MYO5B: variants seen among roughly 807,000 people sequenced by gnomAD.
MYO5B encodes the protein myosin VB.
In MYO5B, 143 loss-of-function variants were observed where a neutral mutation model predicts 229.3. That is an observed-to-expected ratio of 0.62 (90% CI 0.54 to 0.72). MYO5B has a LOEUF of 0.72. MYO5B is among the 30% of genes least tolerant of loss of function. MYO5B has a pLI of 0.00. For missense variants in MYO5B, 2,321 were observed against 2,331.0 expected (o/e 1.00, Z 0.09); for synonymous variants, 918 against 885.2 (o/e 1.04, Z -0.66).
chr18:50,181,241 A>G (rs1438614461), intron 1 of MYO5B, among the ~76,000 whole-genome samples: 1 of 152,270 alleles, frequency 6.6e-6, no homozygotes, highest in Non-Finnish European at 1.5e-5. Context: ...ATAAATCAGC[A>G]TAACTATAAA....
chr18:49,882,843 C>G (rs754286898), intron 22 of MYO5B, among the ~76,000 whole-genome samples: 1 of 152,006 alleles, frequency 6.6e-6, no homozygotes, highest in Non-Finnish European at 1.5e-5. Flanking sequence ...CTACTCTTTA[C>G]AAATTCTTCC....
chr18:49,928,000 A>G (rs921206951), intron 17 of MYO5B, among the ~76,000 whole-genome samples: 1 of 152,262 alleles, frequency 6.6e-6, no homozygotes, highest in African/African-American at 2.4e-5. Flanking sequence ...CATCCAACAA[A>G]GGACTAATGT....
At position 49,826,496 on chromosome 18, in the gene MYO5B, T is replaced by C. The variant is rs750103484; in HGVS notation, c.5522A>G (p.Asn1841Ser). 2 of 1,614,012 alleles carry C rather than the reference T, an allele frequency of 1.2e-6. No individual in the cohort carries two copies. The highest frequency in any genetic ancestry group is 1.7e-6 in the Non-Finnish European group (2 of 1,179,916). ...TCAGACTTCATTGAGGAATTCCAGA[T>C]TGAGACACGCTGGGATGTGGATTGA... ...MDSIHIPACL[N>S]LEFLNEV The change falls in exon 40 of 40, where the codon AAT (asparagine) becomes AGT (serine). Residue 1841 changes from asparagine to serine, a missense_variant. Transcript: ENST00000285039.
At chr18:49,892,416 T>C (rs2144126640) in intron 22 of MYO5B, among the ~76,000 whole-genome samples, 1 of 152,232 alleles carries the variant, frequency 6.6e-6, no homozygotes, top group South Asian at 2.1e-4. Context: ...ATTAATATCG[T>C]CAGAGATGGC....
intron 29 of MYO5B, among the ~76,000 whole-genome samples, chr18:49,859,867 C>A (rs1344514571): frequency 6.6e-6 from 1 of 152,226 alleles, no homozygotes; most frequent in Non-Finnish European, 1.5e-5. Flanking sequence ...CAGCCCACAG[C>A]AGCCGAGGCT....
intron 22 of MYO5B, among the ~76,000 whole-genome samples, chr18:49,888,863 G>A (rs2024676540): frequency 1.3e-5 from 2 of 152,218 alleles, no homozygotes; most frequent in Non-Finnish European, 2.9e-5. Context: ...CACACGGGGT[G>A]GTGGGGTTGC....
intron 1 of MYO5B, among the ~76,000 whole-genome samples, chr18:50,168,251 C>G (rs1410666341): frequency 6.6e-6 from 1 of 152,212 alleles, no homozygotes; most frequent in Non-Finnish European, 1.5e-5. Flanking sequence ...CACAGCAAGG[C>G]CTTCAACCTC....
intron 1 of MYO5B, among the ~76,000 whole-genome samples, chr18:50,194,524 C>CG (rs2033272537): frequency 2.0e-5 from 3 of 152,190 alleles, no homozygotes; most frequent in African/African-American, 7.2e-5. Context: ...GGTGCTGAGC[C>CG]GTGGCGCTGC....
intron 22 of MYO5B, among the ~76,000 whole-genome samples, chr18:49,889,535 A>G (rs76477316): frequency 1.4e-3 from 209 of 152,346 alleles, no homozygotes; most frequent in African/African-American, 4.9e-3. Context: ...AACTACTGGT[A>G]GGTTTTACAG....
intron 39 of MYO5B, among the ~76,000 whole-genome samples, chr18:49,829,079 G>A (rs1367993151): frequency 9.9e-6 from 1 of 101,200 alleles, no homozygotes; most frequent in Admixed American, 1.4e-4. Context: ...TCAAAAAATT[G>A]ACAATTTTTT....
At chr18:49,856,218 C>T (rs898174718) in intron 30 of MYO5B, among the ~76,000 whole-genome samples, 2 of 152,140 alleles carry the variant, frequency 1.3e-5, no homozygotes, top group African/African-American at 4.8e-5. Flanking sequence ...TTCCTTAAAC[C>T]CTCCGGGCTT....
intron 9 of MYO5B, among the ~76,000 whole-genome samples, chr18:49,979,788 C>T (rs909886452): frequency 1.3e-5 from 2 of 152,284 alleles, no homozygotes; most frequent in Admixed American, 1.3e-4. Context: ...TTAGCTTTTC[C>T]CAACACCATT....
At chr18:49,928,714 G>C (rs529098986) in intron 17 of MYO5B, among the ~76,000 whole-genome samples, 2 of 152,154 alleles carry the variant, frequency 1.3e-5, no homozygotes, top group African/African-American at 4.8e-5. Flanking sequence ...CAAAAATATG[G>C]AACCAGCCCA....
intron 22 of MYO5B, among the ~76,000 whole-genome samples, chr18:49,888,527 G>A (rs1422920744): frequency 6.6e-6 from 1 of 152,182 alleles, no homozygotes; most frequent in Non-Finnish European, 1.5e-5. Flanking sequence ...GCACGGGTTT[G>A]GGAATGTGAA....
chr18:50,187,419 G>T (rs924458173), intron 1 of MYO5B, among the ~76,000 whole-genome samples: 7 of 152,050 alleles, frequency 4.6e-5, no homozygotes, highest in African/African-American at 7.2e-5. Flanking sequence ...CAGCATTTAT[G>T]ATGTGTTCTT....
chr18:49,857,398 A>G (rs1245771922), intron 29 of MYO5B, among the ~76,000 whole-genome samples: 1 of 152,238 alleles, frequency 6.6e-6, no homozygotes, highest in Admixed American at 6.5e-5. Flanking sequence ...TTGCATCTGC[A>G]GAGCAGCATG....
chr18:49,899,268 A>C (rs1237452143), intron 21 of MYO5B, among the ~76,000 whole-genome samples: 3 of 152,158 alleles, frequency 2.0e-5, no homozygotes, highest in Non-Finnish European at 4.4e-5. Flanking sequence ...AAAAAAATTC[A>C]CTTGCAAACA....
intron 5 of MYO5B, 87 bp downstream of exon 5, chr18:50,001,168 G>C: frequency 6.4e-7 from 1 of 1,551,534 alleles, no homozygotes; most frequent in South Asian, 1.1e-5. Flanking sequence ...AGGCGTGAAG[G>C]CTGCCACCCA....
chr18:50,056,701 T>C (rs1282027789), intron 1 of MYO5B, among the ~76,000 whole-genome samples: 1 of 151,844 alleles, frequency 6.6e-6, no homozygotes, highest in Non-Finnish European at 1.5e-5. Context: ...CTGGCTTTAC[T>C]TTGGTCCTGA....
Sources: allele counts gnomAD v4.1 joint callset (sites outside exome capture counted in the v4.1 genomes callset), GRCh38; gene constraint gnomAD v4.1.1; transcripts MANE v1.5; gene names NCBI Gene and HGNC (gene_info 2026-07-23, HGNC 2026-07-21).